Variants in PLCG2 observed in about 807,000 individuals in gnomAD.
The protein encoded by PLCG2 is phospholipase C gamma 2, also known as 1-phosphatidylinositol 4,5-bisphosphate phosphodiesterase gamma-2.
Under a neutral mutation model 175.6 loss-of-function variants are expected in PLCG2, and 69 were observed. That is an observed-to-expected ratio of 0.39 (90% CI 0.32 to 0.48). The LOEUF is 0.48. Among genes scored for constraint, PLCG2 ranks in the 20% least tolerant of loss-of-function variants. PLCG2 has a pLI of 0.91. For synonymous variants in PLCG2, 827 were observed against 624.0 expected (o/e 1.33, Z -4.85); for missense variants, 1,798 against 1,650.9 (o/e 1.09, Z -1.54).
At chr16:81,749,826 G>A (rs1374685479) in intron 1 of PLCG2, among the ~76,000 whole-genome samples, 1 of 152,168 alleles carries the variant, frequency 6.6e-6, no homozygotes, top group East Asian at 1.9e-4. Context: ...AAGGATACAT[G>A]TCCAAAGATG....
At chr16:81,869,180 C>G (rs553968457) in intron 5 of PLCG2, 34 bp from the exon 6 acceptor site, 34 of 1,554,242 alleles carry the variant, frequency 2.2e-5, no homozygotes, top group Non-Finnish European at 2.9e-5. Context: ...TGAAAACCCT[C>G]AAGGTGACAG....
chr16:81,762,849 G>C (rs1441375473), intron 2 of PLCG2, among the ~76,000 whole-genome samples: 1 of 152,176 alleles, frequency 6.6e-6, no homozygotes, highest in African/African-American at 2.4e-5. Context: ...CTTGAGGCCA[G>C]GAGTTTAAGA....
chr16:81,912,753 G>C (rs1175795863), intron 19 of PLCG2, 37 bp downstream of exon 19: 7 of 1,550,078 alleles, frequency 4.5e-6, no homozygotes, highest in Non-Finnish European at 6.1e-6. Flanking sequence ...CTCTACAGAG[G>C]GGCTTGGCAA....
chr16:81,778,025 A>AC (rs1910491879), upstream of PLCG2, among the ~76,000 whole-genome samples: 9 of 60,650 alleles, frequency 1.5e-4, 1 homozygote, highest in African/African-American at 6.5e-4. Flanking sequence ...TCAAAAAAAA[A>AC]AAAAAACAAA....
chr16:81,898,944 G>A (rs1202876016), intron 13 of PLCG2, among the ~76,000 whole-genome samples: 2 of 150,850 alleles, frequency 1.3e-5, no homozygotes, highest in African/African-American at 2.5e-5. Context: ...CAGCACTTTC[G>A]GAGGCTGAGG....
chr16:81,865,735 A>C (rs1056809729), intron 5 of PLCG2, among the ~76,000 whole-genome samples: 2 of 142,954 alleles, frequency 1.4e-5, no homozygotes, highest in Non-Finnish European at 3.0e-5. Context: ...TGCTCCCAGG[A>C]TGAGCTCCAC....
At chr16:81,766,152 T>C (rs1169807453) in intron 2 of PLCG2, among the ~76,000 whole-genome samples, 2 of 152,224 alleles carry the variant, frequency 1.3e-5, no homozygotes, top group Non-Finnish European at 2.9e-5. Context: ...CTGTTTATGA[T>C]GGCAACAGCT....
intron 31 of PLCG2, 33 bp from the exon 32 acceptor site, chr16:81,956,659 TCAC>T: frequency 6.3e-7 from 1 of 1,580,550 alleles, no homozygotes; most frequent in Non-Finnish European, 8.6e-7. Context: ...GAAGGTGTAG[TCAC>T]CACATGGTTG....
At chr16:81,756,013 G>A (rs1230798937) in intron 2 of PLCG2, 1 of 153,206 alleles carries the variant, frequency 6.5e-6, no homozygotes, top group African/African-American at 2.4e-5. Flanking sequence ...CCTGACTCCA[G>A]GCCAGTCAGC....
chr16:81,869,679 C>A (rs575126862), intron 6 of PLCG2, among the ~76,000 whole-genome samples: 1 of 152,118 alleles, frequency 6.6e-6, no homozygotes. Context: ...GTACCAGGAC[C>A]GTGGCATTTT....
intron 2 of PLCG2, among the ~76,000 whole-genome samples, chr16:81,846,964 A>C (rs1209876375): frequency 6.6e-6 from 1 of 152,180 alleles, no homozygotes; most frequent in East Asian, 1.9e-4. Context: ...AGTTCAGTTC[A>C]ATTCTGATAC....
At chr16:81,884,096 A>T (rs1908231021) in intron 9 of PLCG2, among the ~76,000 whole-genome samples, 1 of 152,208 alleles carries the variant, frequency 6.6e-6, no homozygotes, top group Admixed American at 6.5e-5. Flanking sequence ...CACGCCTATA[A>T]TCCCAGCACT....
At chr16:81,908,033 G>A (rs550035411) in intron 16 of PLCG2, among the ~76,000 whole-genome samples, 131 of 152,278 alleles carry the variant, frequency 8.6e-4, no homozygotes, top group African/African-American at 3.1e-3. Context: ...GATGGAGGCC[G>A]GTGCTCTGGC....
rs372619063 is a variant in PLCG2, at chr16:81,869,314, C to G, written c.564+16C>G. On this transcript the variant is annotated intron_variant, in intron 6 of 32. Coordinates refer to ENST00000564138, the MANE Select transcript of PLCG2 (RefSeq NM_002661.5). ...TAAGTTTGTGGTAAGTTTCATGGCT[C>G]AGCCTGGGAATTTTATGAATGCGGA... 2 of 1,582,194 alleles carry G rather than the reference C, an allele frequency of 1.3e-6. No individual in the cohort carries two copies. Among genetic ancestry groups the G allele is most frequent in the East Asian group, 4.5e-5 (2 of 44,734 alleles).
intron 2 of PLCG2, among the ~76,000 whole-genome samples, chr16:81,839,037 G>A (rs944275775): frequency 3.9e-5 from 6 of 151,924 alleles, no homozygotes; most frequent in African/African-American, 1.5e-4. Flanking sequence ...CGAGGGTTTT[G>A]CTTCCAGCAG....
At chr16:81,779,492 C>T (rs62046430) in intron 1 of PLCG2, 68 bp downstream of exon 1, 42,780 of 151,460 alleles carry the variant, frequency 0.28, 6,493 homozygotes, top group East Asian at 0.49. Flanking sequence ...GGGACCGGCT[C>T]CCAGGGCGCT....
intron 8 of PLCG2, among the ~76,000 whole-genome samples, chr16:81,881,748 G>A (rs1434468370): frequency 6.6e-6 from 1 of 152,006 alleles, no homozygotes; most frequent in Non-Finnish European, 1.5e-5. Flanking sequence ...AGGTTCAAGC[G>A]ATTCTCCTGC....
rs1446611108 is a variant in PLCG2, at chr16:81,958,993, G to C, written c.*995G>C. On this transcript the variant is annotated 3_prime_UTR_variant, in exon 33 of 33. Transcript: ENST00000564138. ...ATTTCAAATGCAGCCATCTCCCTTG[G>C]GGCAGATCTACCTAGTTCATGACAG... 2.2e-5 allele frequency: 5 copies of C among 223,746 alleles called. No individual in the cohort carries two copies. The highest frequency in any genetic ancestry group is 5.7e-5 in the Admixed American group (1 of 17,436). 13.9% of individuals were successfully genotyped at this position (223,746 alleles called of 1,614,324 possible).
At chr16:81,920,505 T>C (rs1472043141) in intron 20 of PLCG2, among the ~76,000 whole-genome samples, 1 of 152,172 alleles carries the variant, frequency 6.6e-6, no homozygotes, top group East Asian at 1.9e-4. Context: ...TACCTTAGGC[T>C]GTGGGAGTGG....
Sources: allele counts gnomAD v4.1 joint callset (sites outside exome capture counted in the v4.1 genomes callset), GRCh38; gene constraint gnomAD v4.1.1; transcripts MANE v1.5; gene names NCBI Gene and HGNC (gene_info 2026-07-23, HGNC 2026-07-21).